SLC25A21: variants seen among roughly 807,000 people sequenced by gnomAD.
SLC25A21 encodes solute carrier family 25 member 21, also known as mitochondrial 2-oxodicarboxylate carrier.
SLC25A21 carries 47 observed loss-of-function variants against 43.8 expected under a neutral mutation model. The observed-to-expected ratio is 1.07, with a 90% confidence interval of 0.85 to 1.37. The LOEUF is 1.37. Ranked by LOEUF, SLC25A21 falls within the 40% of genes most tolerant of loss-of-function variation. The probability of loss-of-function intolerance (pLI) is 0.00; values close to 1 mark genes in which losing one functional copy is unlikely to be tolerated. For synonymous variants in SLC25A21, 131 were observed against 121.3 expected (o/e 1.08, Z -0.52); for missense variants, 352 against 350.2 (o/e 1.00, Z -0.04).
intron 1 of SLC25A21, among the ~76,000 whole-genome samples, chr14:37,156,810 T>C (rs995635690): frequency 6.6e-6 from 1 of 152,282 alleles, no homozygotes; most frequent in East Asian, 1.9e-4. Flanking sequence ...AAGAGAGAGA[T>C]AGACTCCAAC....
intron 1 of SLC25A21, among the ~76,000 whole-genome samples, chr14:36,961,989 G>C (rs1463860982): frequency 6.6e-6 from 1 of 152,182 alleles, no homozygotes; most frequent in African/African-American, 2.4e-5. Context: ...CTTCCTGGAA[G>C]TATTTCAGCT....
intron 1 of SLC25A21, among the ~76,000 whole-genome samples, chr14:37,106,725 T>C (rs1232829638): frequency 2.1e-5 from 3 of 142,074 alleles, no homozygotes; most frequent in Non-Finnish European, 4.6e-5. Context: ...ACCTACTCCC[T>C]GTTCTTACAC....
intron 1 of SLC25A21, among the ~76,000 whole-genome samples, chr14:36,994,226 T>C (rs1245256302): frequency 6.6e-6 from 1 of 152,096 alleles, no homozygotes; most frequent in African/African-American, 2.4e-5. Context: ...TGGAGAGAAG[T>C]CTAGAAAAAG....
At chr14:37,063,532 A>G (rs1961995047) in intron 1 of SLC25A21, among the ~76,000 whole-genome samples, 1 of 151,958 alleles carries the variant, frequency 6.6e-6, no homozygotes, top group Non-Finnish European at 1.5e-5. Context: ...GAGCACAGAG[A>G]AAGGCATACT....
At chr14:36,806,405 A>G (rs1003665701) in intron 3 of SLC25A21, among the ~76,000 whole-genome samples, 13 of 152,142 alleles carry the variant, frequency 8.5e-5, no homozygotes, top group Non-Finnish European at 5.9e-5. Context: ...GAAATGATAA[A>G]TGTTTGAGGT....
At chr14:36,714,274 A>G (rs1192189079) in intron 6 of SLC25A21, among the ~76,000 whole-genome samples, 3 of 152,170 alleles carry the variant, frequency 2.0e-5, no homozygotes, top group Non-Finnish European at 4.4e-5. Flanking sequence ...TTTTTTCTTC[A>G]TTCCTTCTGG....
At chr14:37,120,524 C>T (rs1478070751) in intron 1 of SLC25A21, among the ~76,000 whole-genome samples, 2 of 152,108 alleles carry the variant, frequency 1.3e-5, no homozygotes, top group African/African-American at 4.8e-5. Flanking sequence ...AAAGAAAGAA[C>T]ACCAAAACAG....
At chr14:37,014,542 A>G (rs1475149732) in intron 1 of SLC25A21, among the ~76,000 whole-genome samples, 1 of 151,996 alleles carries the variant, frequency 6.6e-6, no homozygotes, top group Non-Finnish European at 1.5e-5. Context: ...CTGCTCTTGA[A>G]CCCCTCAAAG....
At chr14:36,739,162 A>C (rs1411783696) in intron 3 of SLC25A21, among the ~76,000 whole-genome samples, 1 of 152,226 alleles carries the variant, frequency 6.6e-6, no homozygotes, top group Non-Finnish European at 1.5e-5. Flanking sequence ...GGAAGCAGGA[A>C]AGGCCACTGA....
chr14:36,812,408 T>C (rs561901377), intron 3 of SLC25A21, among the ~76,000 whole-genome samples: 13 of 151,626 alleles, frequency 8.6e-5, no homozygotes, highest in South Asian at 2.1e-4. Flanking sequence ...TGTAAGTCCA[T>C]AGCTAGCAAT....
intron 2 of SLC25A21, among the ~76,000 whole-genome samples, chr14:36,862,932 T>C (rs1040396058): frequency 6.6e-6 from 1 of 152,178 alleles, no homozygotes; most frequent in Non-Finnish European, 1.5e-5. Flanking sequence ...TTAGGCAAAC[T>C]ATCTCATAGG....
At chr14:37,062,411 T>C (rs1961966387) in intron 1 of SLC25A21, among the ~76,000 whole-genome samples, 3 of 152,024 alleles carry the variant, frequency 2.0e-5, no homozygotes, top group Admixed American at 2.0e-4. Flanking sequence ...CAGACTCAAA[T>C]CTCTAAATGC....
chr14:36,851,033 T>C (rs1014868065), intron 2 of SLC25A21, among the ~76,000 whole-genome samples: 11 of 152,318 alleles, frequency 7.2e-5, no homozygotes, highest in African/African-American at 2.6e-4. Flanking sequence ...CAATTCAAGA[T>C]TTTAAAGTAC....
chr14:36,895,883 C>G (rs146969496), intron 1 of SLC25A21, among the ~76,000 whole-genome samples: 27 of 152,232 alleles, frequency 1.8e-4, no homozygotes, highest in East Asian at 1.7e-3. Flanking sequence ...GTTCTAGTTT[C>G]ATTGCACTGT....
At chr14:37,146,360 A>T (rs1272925086) in intron 1 of SLC25A21, among the ~76,000 whole-genome samples, 1 of 152,048 alleles carries the variant, frequency 6.6e-6, no homozygotes, top group Non-Finnish European at 1.5e-5. Context: ...ATCCTCCCAC[A>T]TCAACCCCCC....
intron 1 of SLC25A21, among the ~76,000 whole-genome samples, chr14:37,000,933 C>G (rs1384203550): frequency 3.3e-5 from 5 of 152,128 alleles, no homozygotes; most frequent in African/African-American, 1.2e-4. Context: ...GTAAATTAAA[C>G]CTCTTTTCTT....
At chr14:36,865,917 TG>T (rs1890201380) in intron 2 of SLC25A21, among the ~76,000 whole-genome samples, 1 of 152,150 alleles carries the variant, frequency 6.6e-6, no homozygotes, top group Admixed American at 6.5e-5. Context: ...GTGATTAATA[TG>T]TTTTGAGAGA....
At chr14:36,707,646 T>C (rs984400611) in intron 7 of SLC25A21, among the ~76,000 whole-genome samples, 1 of 152,208 alleles carries the variant, frequency 6.6e-6, no homozygotes, top group African/African-American at 2.4e-5. Context: ...TGCTTTTAGC[T>C]TGGAGGCTAA....
chr14:36,716,328 A>G (rs549985358), intron 6 of SLC25A21, among the ~76,000 whole-genome samples: 4 of 152,188 alleles, frequency 2.6e-5, no homozygotes. Context: ...CTAGAGATCT[A>G]ATGTCCAACA....
Sources: gnomAD v4.1 joint callset for allele counts (sites outside exome capture counted in the v4.1 genomes callset) on GRCh38, gnomAD v4.1.1 for gene constraint, MANE v1.5 for transcripts, NCBI Gene and HGNC (gene_info 2026-07-23, HGNC 2026-07-21) for gene names.